MEGF11: variants seen among roughly 807,000 people sequenced by gnomAD.
MEGF11 encodes the protein multiple epidermal growth factor-like domains protein 11.
MEGF11 carries 126 observed loss-of-function variants against 146.6 expected under a neutral mutation model. That is an observed-to-expected ratio of 0.86 (90% CI 0.74 to 1.00). The LOEUF (loss-of-function observed/expected upper bound fraction) is 1.00, where lower values mean the gene tolerates loss of function less well. Ranked by LOEUF, MEGF11 falls within the 50% of genes least tolerant of loss-of-function variation. The pLI is 0.00. For synonymous variants in MEGF11, 532 were observed against 583.4 expected (o/e 0.91, Z 1.27); for missense variants, 1,509 against 1,521.2 (o/e 0.99, Z 0.13).
chr15:66,207,818 C>T (rs745664780), intron 1 of MEGF11, among the ~76,000 whole-genome samples: 1 of 152,178 alleles, frequency 6.6e-6, no homozygotes, highest in African/African-American at 2.4e-5. Context: ...AATGGTGGCT[C>T]ACGCCTGTAG....
intron 1 of MEGF11, among the ~76,000 whole-genome samples, chr15:66,144,743 C>A (rs76136255): frequency 0.046 from 6,956 of 152,260 alleles, 229 homozygotes; most frequent in African/African-American, 0.08. Context: ...CAACCATAGA[C>A]TGTCAATGAA....
At chr15:66,180,972 G>T (rs572903433) in intron 1 of MEGF11, among the ~76,000 whole-genome samples, 1 of 152,114 alleles carries the variant, frequency 6.6e-6, no homozygotes, top group African/African-American at 2.4e-5. Flanking sequence ...CAGCTCCTCC[G>T]GCTGCGCTCA....
intron 5 of MEGF11, among the ~76,000 whole-genome samples, chr15:66,038,412 G>T (rs1386283458): frequency 2.0e-5 from 3 of 152,188 alleles, no homozygotes; most frequent in Non-Finnish European, 4.4e-5. Flanking sequence ...GGTTAAGGGA[G>T]CGATGCCCTA....
At chr15:65,943,459 C>CTTG (rs776988078) in intron 10 of MEGF11, among the ~76,000 whole-genome samples, 6 of 151,928 alleles carry the variant, frequency 3.9e-5, no homozygotes, top group Non-Finnish European at 7.4e-5. Context: ...TTTTGGTGAG[C>CTTG]TTGTGTATGT....
At chr15:65,969,375 A>G (rs917127475) in intron 8 of MEGF11, among the ~76,000 whole-genome samples, 6 of 152,164 alleles carry the variant, frequency 3.9e-5, no homozygotes, top group Non-Finnish European at 4.4e-5. Context: ...GATGGTGAGG[A>G]TGGGAACATG....
At chr15:66,225,455 T>A (rs1184960083) in intron 1 of MEGF11, among the ~76,000 whole-genome samples, 1 of 152,226 alleles carries the variant, frequency 6.6e-6, no homozygotes, top group Non-Finnish European at 1.5e-5. Flanking sequence ...CAGCGCTCAG[T>A]GGGTGGTGCC....
intron 19 of MEGF11, among the ~76,000 whole-genome samples, chr15:65,915,200 G>A (rs574555278): frequency 2.0e-4 from 30 of 152,318 alleles, no homozygotes; most frequent in African/African-American, 3.4e-4. Context: ...TTGGTCTGGT[G>A]GCCTTTCCAT....
intron 1 of MEGF11, among the ~76,000 whole-genome samples, chr15:66,196,527 C>T (rs1002214702): frequency 1.3e-5 from 2 of 151,992 alleles, no homozygotes; most frequent in Non-Finnish European, 2.9e-5. Context: ...CTAAGTGTGA[C>T]GAGAGCTACT....
chr15:66,044,730 G>A (rs1031548809), intron 5 of MEGF11, among the ~76,000 whole-genome samples: 2 of 151,744 alleles, frequency 1.3e-5, no homozygotes, highest in Non-Finnish European at 2.9e-5. Flanking sequence ...GCAGGTGCCT[G>A]TAGTCCCAGT....
At chr15:66,121,036 C>T (rs747786673) in intron 3 of MEGF11, among the ~76,000 whole-genome samples, 4 of 152,168 alleles carry the variant, frequency 2.6e-5, no homozygotes, top group East Asian at 1.9e-4. Context: ...CCAAAGCTGA[C>T]GGAGGGTGCA....
chr15:66,160,706 C>CACACACACA (rs1567268108), intron 1 of MEGF11, among the ~76,000 whole-genome samples: 1 of 145,088 alleles, frequency 6.9e-6, no homozygotes, highest in South Asian at 2.1e-4. Flanking sequence ...CACACACACA[C>CACACACACA]CCTTGCCCTA....
In MEGF11 at chr15:66,079,444, CAGA is replaced by C. The variant is rs2085738882; in HGVS notation, c.394+14955_394+14957del. 2.0e-5 allele frequency among the ~76,000 whole-genome samples: 3 copies of C among 152,036 alleles called. No homozygotes were observed. In the South Asian group the frequency reaches 6.2e-4, roughly 32 times the overall value. ...GAGAGCCCAGCAGTGGCGGGCTGGG[CAGA>C]AGAACCACAACTGCTTGTAAAAGGC... On this transcript the variant is annotated intron_variant, in intron 5 of 25. Transcript: ENST00000395614.
intron 13 of MEGF11, among the ~76,000 whole-genome samples, chr15:65,923,592 A>C (rs1046386730): frequency 7.9e-5 from 12 of 152,180 alleles, no homozygotes; most frequent in African/African-American, 2.4e-4. Context: ...ACTTTGCAAA[A>C]ATTACATTTA....
At chr15:66,009,566 G>A (rs2082640095) in intron 5 of MEGF11, among the ~76,000 whole-genome samples, 1 of 150,882 alleles carries the variant, frequency 6.6e-6, no homozygotes, top group Non-Finnish European at 1.5e-5. Context: ...GCAGAATCTA[G>A]AAAGTGAAAA....
chr15:65,979,805 A>AG (rs998506413), intron 7 of MEGF11, among the ~76,000 whole-genome samples: 1 of 152,184 alleles, frequency 6.6e-6, no homozygotes, highest in Non-Finnish European at 1.5e-5. Flanking sequence ...GCAGCTGGGC[A>AG]GGGCAGGGCT....
rs2080997182 is a variant in MEGF11, at chr15:65,964,821, G to C, written c.1112+87C>G. On this transcript the variant is annotated intron_variant, in intron 9 of 25. Coordinates refer to ENST00000395614, the MANE Select transcript of MEGF11 (RefSeq NM_001385028.1). The stretch of plus-strand genomic sequence containing the variant: ...CCCACCTGCCTGGATGTCCATGCTA[G>C]AGGTGGGGGGCCACATCCTAGCAAG... 3.1e-6 allele frequency: 4 copies of C among 1,272,670 alleles called. No individual in the cohort carries two copies. In the South Asian group the frequency reaches 4.4e-5, roughly 14 times the overall value. 78.8% of individuals were successfully genotyped at this position (1,272,670 alleles called of 1,614,324 possible).
At chr15:66,199,492 C>A (rs2140084541) in intron 1 of MEGF11, among the ~76,000 whole-genome samples, 1 of 152,304 alleles carries the variant, frequency 6.6e-6, no homozygotes, top group East Asian at 1.9e-4. Context: ...ATCAACTGGG[C>A]CAGGACCCTG....
chr15:66,082,057 C>T (rs2085881041), intron 5 of MEGF11, among the ~76,000 whole-genome samples: 1 of 152,150 alleles, frequency 6.6e-6, no homozygotes, highest in Admixed American at 6.5e-5. Flanking sequence ...GTGAGAAACA[C>T]TTTTCCGTGG....
chr15:65,964,503 G>T (rs1308902669), intron 9 of MEGF11, among the ~76,000 whole-genome samples: 1 of 147,284 alleles, frequency 6.8e-6, no homozygotes, highest in Non-Finnish European at 1.5e-5. Context: ...TGGATGCCAC[G>T]CAAGTGGAGG....
Sources: gnomAD v4.1 joint callset for allele counts (sites outside exome capture counted in the v4.1 genomes callset) on GRCh38, gnomAD v4.1.1 for gene constraint, MANE v1.5 for transcripts, NCBI Gene and HGNC (gene_info 2026-07-23, HGNC 2026-07-21) for gene names.